ADGRD1: variants seen among roughly 807,000 people sequenced by gnomAD.
The protein encoded by ADGRD1 is adhesion G protein-coupled receptor D1, also known as G-protein coupled receptor 133.
In ADGRD1, 77 loss-of-function variants were observed where a neutral mutation model predicts 113.4. The ratio of observed to expected loss-of-function variants is 0.68; its 90% CI spans 0.57 to 0.82. The LOEUF (loss-of-function observed/expected upper bound fraction) is 0.82. Ranked by LOEUF, ADGRD1 falls within the 40% of genes least tolerant of loss-of-function variation. The pLI, the probability that ADGRD1 is intolerant of heterozygous loss-of-function variation, is 0.00. For synonymous variants in ADGRD1, 474 were observed against 475.0 expected (o/e 1.00, Z 0.03); for missense variants, 1,036 against 1,139.1 (o/e 0.91, Z 1.30).
At chr12:131,120,951 G>A in intron 20 of ADGRD1, 38 bp downstream of exon 20, 3 of 1,586,032 alleles carry the variant, frequency 1.9e-6, no homozygotes, top group Non-Finnish European at 1.7e-6. Context: ...AGCGGGGCTG[G>A]GGAGGGGCAG....
intron 16 of ADGRD1, among the ~76,000 whole-genome samples, chr12:131,105,474 TG>T (rs1211305323): frequency 1.3e-5 from 2 of 152,112 alleles, no homozygotes; most frequent in Non-Finnish European, 2.9e-5. Flanking sequence ...TGGAATAAGC[TG>T]GGGCTTTGAG....
rs1349189695 is a variant in ADGRD1 at position 130,997,740 on chromosome 12, G to T, written c.967-2643G>T. Among the ~76,000 whole-genome samples, 1,020 of 151,228 alleles carry T rather than the reference G, an allele frequency of 6.7e-3. 7 individuals carry two copies. The highest frequency in any genetic ancestry group is 0.023 in the African/African-American group (950 of 41,104). The stretch of plus-strand genomic sequence containing the variant: ...CCAGACTGGGCAGCCAGGCAGAGGG[G>T]CTCCTCACATCCCAGACGATGGGCG... On this transcript the variant is annotated intron_variant, in intron 8 of 24. Transcript: ENST00000261654.
chr12:131,118,422 T>G lies in ADGRD1; in HGVS notation c.2079T>G (p.Phe693Leu), dbSNP rs1185853403. The G allele has an allele frequency of 2.5e-6, 4 of 1,612,382 alleles. No individual in the cohort carries two copies. Among genetic ancestry groups the G allele is most frequent in the East Asian group, 4.5e-5 (2 of 44,828 alleles). Reference protein sequence around the residue: ...PLLICIISLSFAMDSYGTSNN... With the variant: ...PLLICIISLSLAMDSYGTSNN... ...TGATCTGCATCATTTCACTGTCATT[T>G]GCCATGGACAGTTACGGAACAAGCA... is the stretch of plus-strand genomic sequence containing the variant. The change falls in exon 19 of 25, where the codon TTT becomes TTG. Residue 693 changes from phenylalanine (F) to leucine (L), a missense_variant. Physicochemically the swap from Phe to Leu is conservative, Grantham distance 22 (BLOSUM62 0). Coordinates refer to ENST00000261654, the MANE Select transcript of ADGRD1 (RefSeq NM_198827.5).
intron 2 of ADGRD1, among the ~76,000 whole-genome samples, chr12:130,963,754 C>A (rs970491335): frequency 2.6e-5 from 4 of 151,774 alleles, no homozygotes; most frequent in African/African-American, 7.3e-5. Flanking sequence ...AACAAACAAG[C>A]CTTGCACAGA....
In ADGRD1 at chr12:130,971,591, G is replaced by T; in HGVS notation, c.310+11G>T. 6.3e-7 allele frequency: 1 copy of T among 1,597,818 alleles called. No individual in the cohort carries two copies. The highest frequency in any genetic ancestry group is 1.1e-5 in the South Asian group (1 of 88,348). On this transcript the variant is annotated intron_variant, in intron 4 of 24. Transcript: ENST00000261654. The surrounding 1 kb of genome is among the most constrained non-coding windows in gnomAD (Gnocchi z 4.2). Reference sequence around the variant, plus strand: ...AGTGTGGCCCTGAAGGTGAGTGGCTGATCCCTGCGGCATCTTTGTCAAGCA... The same window carrying T: ...AGTGTGGCCCTGAAGGTGAGTGGCTTATCCCTGCGGCATCTTTGTCAAGCA...
chr12:130,956,091 G>A (rs1565977844), intron 2 of ADGRD1, among the ~76,000 whole-genome samples: 1 of 152,218 alleles, frequency 6.6e-6, no homozygotes. Flanking sequence ...GCCTGGCTGG[G>A]AACCAGCCTT....
chr12:131,029,084 T>C (rs1334908787), intron 13 of ADGRD1, among the ~76,000 whole-genome samples: 1 of 152,236 alleles, frequency 6.6e-6, no homozygotes, highest in African/African-American at 2.4e-5. Context: ...GCTTCCTAAG[T>C]GAACTGGCCA....
At chr12:130,955,891 C>T (rs1472139995) in intron 2 of ADGRD1, among the ~76,000 whole-genome samples, 3 of 152,192 alleles carry the variant, frequency 2.0e-5, no homozygotes, top group African/African-American at 7.2e-5. Flanking sequence ...CGGGTTCAAG[C>T]GATTCTTGTG....
chr12:131,070,440 T>G, intron 13 of ADGRD1: 1 of 163,252 alleles, frequency 6.1e-6, no homozygotes, highest in Non-Finnish European at 1.3e-5. Flanking sequence ...AGTGGGAGGG[T>G]CTCGTGACCG....
chr12:130,971,634 A>G lies in ADGRD1; in HGVS notation c.310+54A>G. On this transcript the variant is annotated intron_variant, in intron 4 of 24. Coordinates refer to ENST00000261654, the MANE Select transcript of ADGRD1 (RefSeq NM_198827.5). The surrounding 1 kb of genome is among the most constrained non-coding windows in gnomAD (Gnocchi z 4.2). ...GTCAAGCATTTCATTCTCAGGGAGC[A>G]CCTGCTCCTCTGGTGACTGGAAGAT... 1 of 1,554,942 alleles carries G rather than the reference A, an allele frequency of 6.4e-7. No homozygotes were observed. The highest frequency in any genetic ancestry group is 1.2e-5 in the South Asian group (1 of 82,672).
At chr12:131,118,093 A>G (rs1950510305) in intron 18 of ADGRD1, among the ~76,000 whole-genome samples, 1 of 152,254 alleles carries the variant, frequency 6.6e-6, no homozygotes, top group Admixed American at 6.5e-5. Flanking sequence ...GCCAGTCACA[A>G]TGCCACATCT....
intron 24 of ADGRD1, among the ~76,000 whole-genome samples, chr12:131,138,692 G>A (rs1221515854): frequency 2.0e-5 from 3 of 151,946 alleles, no homozygotes; most frequent in African/African-American, 4.8e-5. Flanking sequence ...ACCCATTCTC[G>A]CACTCCGCCC....
intron 15 of ADGRD1, among the ~76,000 whole-genome samples, chr12:131,101,759 G>C (rs1415924275): frequency 6.6e-6 from 1 of 152,156 alleles, no homozygotes; most frequent in African/African-American, 2.4e-5. Context: ...CATTCCCTCT[G>C]CTGAGGCCCA....
intron 5 of ADGRD1, among the ~76,000 whole-genome samples, chr12:130,982,304 C>T (rs543407519): frequency 6.6e-6 from 1 of 152,308 alleles, no homozygotes; most frequent in Admixed American, 6.5e-5. Context: ...GCACTGTGTG[C>T]CTGCTGTAGG....
In ADGRD1 at chr12:130,992,375, GCCTTGA is replaced by G. The variant is rs1353558816; in HGVS notation, c.950_955del (p.Ala317_Asn319delinsAsp). On this transcript the variant is annotated inframe_deletion, in exon 8 of 25. Transcript: ENST00000261654. The stretch of plus-strand genomic sequence containing the variant: ...CAGTAAGTCCCTCTCGGAGCAGACA[GCCTTGA>G]ATCTCACCAAGGTAAGGCTATTTGA... 1.2e-6 allele frequency: 2 copies of G among 1,613,560 alleles called. No individual in the cohort carries two copies.
chr12:130,995,754 G>A (rs1375909062), intron 8 of ADGRD1, among the ~76,000 whole-genome samples: 2 of 151,180 alleles, frequency 1.3e-5, no homozygotes, highest in Non-Finnish European at 1.5e-5. Context: ...TTTTCAACCT[G>A]TTTTATTTTA....
rs1174307907 is a variant in ADGRD1 at position 131,120,894 on chromosome 12, C to T, written c.2156C>T (p.Pro719Leu). ...GGCGCCATCTGGGCCTTTGTAGCCC[C>T]TGCCCTGTTTGTCATCGTGGTACGT... ...ASGAIWAFVA[P>L]ALFVIVVNIG... The change falls in exon 20 of 25, where the codon CCT becomes CTT. Residue 719 changes from proline to leucine, a missense_variant. Transcript: ENST00000261654. 1.9e-6 allele frequency: 3 copies of T among 1,614,072 alleles called. No homozygotes were observed. Among genetic ancestry groups the T allele is most frequent in the Non-Finnish European group, 2.5e-6 (3 of 1,180,028 alleles).
In ADGRD1 at chr12:131,060,211, GC is replaced by G. The variant is rs1461641241; in HGVS notation, c.1474-16588del. Among the ~76,000 whole-genome samples, 2 of 152,342 alleles carry G rather than the reference GC, an allele frequency of 1.3e-5. No individual in the cohort carries two copies. Among genetic ancestry groups the G allele is most frequent in the East Asian group, 1.9e-4 (1 of 5,180 alleles). On this transcript the variant is annotated intron_variant, in intron 13 of 24. Transcript: ENST00000261654. The surrounding 1 kb of genome is among the most constrained non-coding windows in gnomAD (Gnocchi z 4.4). ...GGCTTCACACTCGGTCTTCTCCAGTGCCACCTCCCTGGGGATGCTCGGGGCA... is the reference window on the plus strand; with the variant it reads ...GGCTTCACACTCGGTCTTCTCCAGTGCACCTCCCTGGGGATGCTCGGGGCA...
Position 130,966,469 on chromosome 12 carries a change from A to G in ADGRD1, c.110A>G (p.Gln37Arg). 6.2e-7 allele frequency: 1 copy of G among 1,602,138 alleles called. No homozygotes were observed. Among genetic ancestry groups the G allele is most frequent in the Non-Finnish European group, 8.6e-7 (1 of 1,169,080 alleles). ...YSRSQDHPGF[Q>R]VLASASHYWP... Reference sequence around the variant, plus strand: ...TTATTCTTTTTTCCCCAAGGATTTCAGGTGTTGGCGTCTGCTTCCCATTAC... The same window carrying G: ...TTATTCTTTTTTCCCCAAGGATTTCGGGTGTTGGCGTCTGCTTCCCATTAC... Residue 37 changes from glutamine to arginine, a missense_variant, in exon 3 of 25, where the codon CAG (glutamine) becomes CGG (arginine). Coordinates refer to ENST00000261654, the MANE Select transcript of ADGRD1 (RefSeq NM_198827.5). This position sits in a 1 kb window ranked among gnomAD's most constrained non-coding sequence, Gnocchi z 4.6.
Sources: allele counts gnomAD v4.1 joint callset (sites outside exome capture counted in the v4.1 genomes callset), GRCh38; gene constraint gnomAD v4.1.1; non-coding constraint Gnocchi (gnomAD v3.1); transcripts MANE v1.5; gene names NCBI Gene and HGNC (gene_info 2026-07-23, HGNC 2026-07-21).